RPS14: variants seen among roughly 807,000 people sequenced by gnomAD.
The protein encoded by RPS14 is small ribosomal subunit protein uS11.
In RPS14, 1 loss-of-function variant was observed where a neutral mutation model predicts 15.4. The observed-to-expected ratio is 0.07, with a 90% CI of 0.02 to 0.31. The LOEUF is 0.31. Ranked by LOEUF, RPS14 falls within the 10% of genes least tolerant of loss-of-function variation. The pLI is 1.00. For missense variants in RPS14, 69 were observed against 205.5 expected (o/e 0.34, Z 4.06); for synonymous variants, 68 against 74.4 (o/e 0.91, Z 0.44).
rs1358996012 is a variant in RPS14, at chr5:150,444,175, G to A, written c.*111C>T. ...CTCCTTTCTCCCAAGAAGCCAAATA[G>A]GAGGAAGAAATCAAATGCCTGAGTA... On this transcript the variant is annotated 3_prime_UTR_variant, in exon 5 of 5. Coordinates refer to ENST00000407193, the MANE Select transcript of RPS14 (RefSeq NM_005617.4). 6.8e-7 allele frequency: 1 copy of A among 1,470,486 alleles called. No individual in the cohort carries two copies. Among genetic ancestry groups the A allele is most frequent in the African/African-American group, 1.4e-5 (1 of 71,206 alleles). The allele number at this position is 1,470,486 out of a possible 1,614,324, so 91.1% of individuals were successfully genotyped here.
chr5:150,447,190 G>A, intron 2 of RPS14: 1 of 564,128 alleles, frequency 1.8e-6, no homozygotes, highest in Non-Finnish European at 3.1e-6. Flanking sequence ...TACTCCACAA[G>A]GTAGACATTA....
intron 2 of RPS14, 48 bp from the exon 3 acceptor site, chr5:150,447,011 G>C (rs747223024): frequency 2.5e-6 from 4 of 1,596,462 alleles, no homozygotes; most frequent in South Asian, 1.1e-5. Flanking sequence ...AACAAGGAGT[G>C]CTTACGATAT....
At chr5:150,444,416 C>G in intron 4 of RPS14, 63 bp from the exon 5 acceptor site, 1 of 1,406,458 alleles carries the variant, frequency 7.1e-7, no homozygotes, top group South Asian at 1.2e-5. Flanking sequence ...CCAGGACTCC[C>G]TAGACCAATG....
In RPS14 at chr5:150,449,726, C is replaced by A. The variant is rs888177541; in HGVS notation, c.-26G>T. ...ACCTGCACGTCGTCTCCAGACTCCA[C>A]ACCGGAAAGAGAGAGTGGGAGGGGG... On this transcript the variant is annotated 5_prime_UTR_variant, in exon 1 of 5. Coordinates refer to ENST00000407193, the MANE Select transcript of RPS14 (RefSeq NM_005617.4). The A allele has an allele frequency of 6.6e-6, 1 of 152,116 alleles. No homozygotes were observed. The highest frequency in any genetic ancestry group is 2.4e-5 in the African/African-American group (1 of 41,240). 9.4% of individuals were successfully genotyped at this position (152,116 alleles called of 1,614,324 possible). A position where few individuals can be genotyped will look rare whatever the true frequency, so the allele number is the denominator to read the frequency against.
chr5:150,445,344 G>C, intron 4 of RPS14: 1 of 624,722 alleles, frequency 1.6e-6, no homozygotes, highest in Non-Finnish European at 2.9e-6. Context: ...ATGGAGGAAA[G>C]GACAATTCAT....
intron 4 of RPS14, 110 bp from the exon 5 acceptor site, chr5:150,444,463 A>G: frequency 2.4e-6 from 2 of 845,404 alleles, no homozygotes; most frequent in Non-Finnish European, 3.9e-6. Context: ...CTGCTCCCCA[A>G]ATGACTCCCC....
At chr5:150,445,258 C>T (rs760199540) in intron 4 of RPS14, among the ~76,000 whole-genome samples, 2 of 152,092 alleles carry the variant, frequency 1.3e-5, no homozygotes, top group Admixed American at 6.6e-5. Flanking sequence ...ATTTAGTAGG[C>T]GGAAACCAAA....
At chr5:150,444,459 C>A in intron 4 of RPS14, 106 bp from the exon 5 acceptor site, 1 of 860,648 alleles carries the variant, frequency 1.2e-6, no homozygotes, top group Non-Finnish European at 1.9e-6. Context: ...CCTGCTGCTC[C>A]CCAAATGACT....
chr5:150,449,574 G>A (rs545781135), intron 1 of RPS14, 129 bp downstream of exon 1: 1 of 152,416 alleles, frequency 6.6e-6, no homozygotes, highest in Non-Finnish European at 1.5e-5. Flanking sequence ...GATCCAGGTG[G>A]GCCAGCCGCG....
chr5:150,448,101 C>G (rs189374619), intron 1 of RPS14: 13 of 186,568 alleles, frequency 7.0e-5, no homozygotes, highest in Admixed American at 4.9e-4. Context: ...GGTACCATTC[C>G]TAACACCCTT....
At chr5:150,448,416 A>T (rs894351688) in intron 1 of RPS14, 13 of 152,210 alleles carry the variant, frequency 8.5e-5, no homozygotes, top group African/African-American at 2.4e-4. Context: ...GACCTTCATA[A>T]TAATTGCAAT....
intron 1 of RPS14, chr5:150,449,207 G>C (rs999098001): frequency 6.6e-6 from 1 of 152,280 alleles, no homozygotes; most frequent in African/African-American, 2.4e-5. Flanking sequence ...CCCAGATTTA[G>C]AAGCATCCAA....
Position 150,444,055 on chromosome 5 carries a change from G to A in RPS14, c.*231C>T, listed in dbSNP as rs1444529137. The A allele has an allele frequency of 9.8e-6, 4 of 409,474 alleles. No individual in the cohort carries two copies. Among genetic ancestry groups the A allele is most frequent in the East Asian group, 4.8e-5 (1 of 20,940 alleles). 25.4% of individuals were successfully genotyped at this position (409,474 alleles called of 1,614,324 possible). A position where few individuals can be genotyped will look rare whatever the true frequency, so the allele number is the denominator to read the frequency against. On this transcript the variant is annotated 3_prime_UTR_variant, in exon 5 of 5. Coordinates refer to ENST00000407193, the MANE Select transcript of RPS14 (RefSeq NM_005617.4). ...CTCCACTCAAAACGAGGTCTCCAAC[G>A]CCTTGGTCTGCTTTAGATGACCAAG...
Position 150,445,706 on chromosome 5 carries a change from T to A in RPS14, c.312-21A>T, listed in dbSNP as rs1771074061. 7 of 1,591,002 alleles carry A rather than the reference T, an allele frequency of 4.4e-6. No individual in the cohort carries two copies. The East Asian group carries it at 1.6e-4, about 36-fold the overall frequency. On this transcript the variant is annotated intron_variant, in intron 3 of 4. Transcript: ENST00000407193. ...TGGTCCTAGAAAATGAAGGTTTAAG[T>A]TAAGAAGAGCCTTTGGCCAAGTCAA...
chr5:150,444,453 C>T, intron 4 of RPS14, 100 bp from the exon 5 acceptor site: 3 of 944,534 alleles, frequency 3.2e-6, no homozygotes, highest in Non-Finnish European at 5.0e-6. Context: ...ACAGATCCTG[C>T]TGCTCCCCAA....
chr5:150,448,885 G>C (rs1236502476), intron 1 of RPS14: 3 of 152,190 alleles, frequency 2.0e-5, no homozygotes. Context: ...CTTCAAATCA[G>C]ACCAATGAGC....
chr5:150,444,439 A>C lies in RPS14; in HGVS notation c.389-86T>G. 1.3e-5 allele frequency: 14 copies of C among 1,086,414 alleles called. 1 individual carries two copies. The South Asian group carries it at 1.8e-4, about 14-fold the overall frequency. 67.3% of individuals were successfully genotyped at this position (1,086,414 alleles called of 1,614,324 possible). On this transcript the variant is annotated intron_variant, in intron 4 of 4. Transcript: ENST00000407193. ...CCCTAGACCAATGGCCTAACCAATC[A>C]GCAACAGATCCTGCTGCTCCCCAAA...
intron 4 of RPS14, 150 bp downstream of exon 4, chr5:150,445,459 G>C: frequency 1.4e-6 from 1 of 739,188 alleles, no homozygotes; most frequent in Non-Finnish European, 2.5e-6. Context: ...AGATTTTTAA[G>C]TCACAAGGTG....
Position 150,443,146 on chromosome 5 carries a change from A to C in RPS14, c.*1140T>G, listed in dbSNP as rs537734751. 1 of 150,026 alleles carries C rather than the reference A, an allele frequency of 6.7e-6. No homozygotes were observed. The highest frequency in any genetic ancestry group is 1.5e-5 in the Non-Finnish European group (1 of 67,720). 9.3% of individuals were successfully genotyped at this position (150,026 alleles called of 1,614,324 possible). Reference sequence around the variant, plus strand: ...TTTTAACAATTTAAGGAGTACTGTTATATTTTTTTTGCAAGCTTTTTTTTT... The same window carrying C: ...TTTTAACAATTTAAGGAGTACTGTTCTATTTTTTTTGCAAGCTTTTTTTTT... On this transcript the variant is annotated 3_prime_UTR_variant, in exon 5 of 5. Coordinates refer to ENST00000407193, the MANE Select transcript of RPS14 (RefSeq NM_005617.4).
Sources: gnomAD v4.1 joint callset for allele counts (sites outside exome capture counted in the v4.1 genomes callset) on GRCh38, gnomAD v4.1.1 for gene constraint, MANE v1.5 for transcripts, NCBI Gene and HGNC (gene_info 2026-07-23, HGNC 2026-07-21) for gene names.